The following RECQL5 variants were observed in gnomAD, a reference collection of about 807,000 sequenced individuals.
RECQL5 encodes RecQ like helicase 5, also known as ATP-dependent DNA helicase Q5.
RECQL5 carries 88 observed loss-of-function variants against 103.4 expected under a neutral mutation model. That is an observed-to-expected ratio of 0.85 (90% CI 0.72 to 1.02). RECQL5 has a LOEUF of 1.02. RECQL5 is among the 50% of genes least tolerant of loss of function. RECQL5 has a pLI of 0.00. For synonymous variants in RECQL5, 552 were observed against 507.9 expected (o/e 1.09, Z -1.17); for missense variants, 1,232 against 1,284.3 (o/e 0.96, Z 0.62).
In RECQL5 at chr17:75,631,518, G is replaced by A. The variant is rs767677752; in HGVS notation, c.1380C>T (p.Pro460=). ...CGGGGTCAAAGCCGTTCCCCTGGGA[G>A]GGCCCGATGCAGGTCTTGCTCCAGC... ...SSSWSKTCIG[P]SQGNGFDPEL... is the part of the protein sequence containing the mutation. Residue 460 remains proline (P), a synonymous_variant, in exon 9 of 20, where the codon CCC becomes CCT. Transcript: ENST00000317905. 2.5e-6 allele frequency: 4 copies of A among 1,613,306 alleles called. No individual in the cohort carries two copies. In the South Asian group the frequency reaches 4.4e-5, roughly 18 times the overall value.
At chr17:75,653,322 C>T (rs977122078) in intron 7 of RECQL5, among the ~76,000 whole-genome samples, 3 of 152,182 alleles carry the variant, frequency 2.0e-5, no homozygotes. Context: ...ATGTGGACAC[C>T]TGGTCAGGGC....
At chr17:75,639,841 G>A (rs2059400083) in intron 8 of RECQL5, 1 of 193,716 alleles carries the variant, frequency 5.2e-6, no homozygotes, top group East Asian at 1.4e-4. Context: ...CCAGTCCCAA[G>A]CACCCAGGCA....
At position 75,662,767 on chromosome 17, in the gene RECQL5, A is replaced by G; in HGVS notation, c.483T>C (p.Cys161=). 6.2e-7 allele frequency: 1 copy of G among 1,614,126 alleles called. No individual in the cohort carries two copies. Among genetic ancestry groups the G allele is most frequent in the South Asian group, 1.1e-5 (1 of 91,080 alleles). ...GAAAGTCATGCCCCCATTGGGAAAC[A>G]CAATGAGCTTCATCCACCACCAAGT... The part of the protein sequence containing the change: ...LSYLVVDEAH[C]VSQWGHDFRP... The change falls in exon 4 of 20, where the codon TGT becomes TGC. Residue 161 remains cysteine, a synonymous_variant. Transcript: ENST00000317905.
At position 75,627,382 on chromosome 17, in the gene RECQL5, A is replaced by G. The variant is rs762185616; in HGVS notation, c.*40T>C. On this transcript the variant is annotated 3_prime_UTR_variant, in exon 20 of 20. Transcript: ENST00000317905. ...GAGGCCCAGGATGACCCATGCTAGA[A>G]TCTGGGGGAGGACGCGGGCCCTGCC... The G allele has an allele frequency of 3.4e-6, 5 of 1,488,580 alleles. No individual in the cohort carries two copies. The highest frequency in any genetic ancestry group is 3.7e-6 in the Non-Finnish European group (4 of 1,067,208). The allele number at this position is 1,488,580 out of a possible 1,614,324, so 92.2% of individuals were successfully genotyped here.
chr17:75,629,869 T>C (rs772156816), intron 14 of RECQL5, 27 bp from the exon 15 acceptor site: 2 of 1,555,562 alleles, frequency 1.3e-6, no homozygotes, highest in Middle Eastern at 2.2e-4. Flanking sequence ...AGGGAGGCTG[T>C]GGCACCCGCC....
Position 75,630,841 on chromosome 17 carries a change from TGGGGGGGG to T in RECQL5, c.1586-12_1586-5del. On this transcript the variant is annotated splice_region_variant and splice_polypyrimidine_tract_variant and intron_variant, in intron 11 of 19. Transcript: ENST00000317905. ...TCTTTCAGGGGACAGTTCTCATCTG[TGGGGGGGG>T]GGGGTGGTCCTTGGTCCTTTCGCTC... The T allele has an allele frequency of 8.9e-7, 1 of 1,129,618 alleles. No individual in the cohort carries two copies. Among genetic ancestry groups the T allele is most frequent in the Non-Finnish European group, 1.2e-6 (1 of 851,176 alleles). 70.0% of individuals were successfully genotyped at this position (1,129,618 alleles called of 1,614,324 possible).
chr17:75,642,699 G>C (rs1031130697), intron 8 of RECQL5, among the ~76,000 whole-genome samples: 2 of 152,306 alleles, frequency 1.3e-5, no homozygotes, highest in South Asian at 4.1e-4. Flanking sequence ...CACATACTCA[G>C]CATTGTCTTC....
chr17:75,636,302 G>A lies in RECQL5; in HGVS notation c.1230-4634C>T, dbSNP rs1368043056. On this transcript the variant is annotated intron_variant, in intron 8 of 19. Coordinates refer to ENST00000317905, the MANE Select transcript of RECQL5 (RefSeq NM_004259.7). This position sits in a 1 kb window ranked among gnomAD's most constrained non-coding sequence, Gnocchi z 5.4. ...GTGGGCACTACCAAGCGTGGGGTTG[G>A]GAGGGACTGGTTGCCCTGGTTCGCA... Among the ~76,000 whole-genome samples the A allele has an allele frequency of 2.0e-5, 3 of 152,134 alleles. No homozygotes were observed. The highest frequency in any genetic ancestry group is 4.4e-5 in the Non-Finnish European group (3 of 68,022).
At position 75,640,758 on chromosome 17, in the gene RECQL5, A is replaced by G. The variant is rs887236824; in HGVS notation, c.1230-9090T>C. ...GGGTGGGCATCCTTTCTCTCCCCCA[A>G]CCTGAGTCCCGTGCTCTCTCCCGGC... On this transcript the variant is annotated intron_variant, in intron 8 of 19. Coordinates refer to ENST00000317905, the MANE Select transcript of RECQL5 (RefSeq NM_004259.7). This position sits in a 1 kb window ranked among gnomAD's most constrained non-coding sequence, Gnocchi z 4.6. 1.8e-5 allele frequency: 28 copies of G among 1,542,372 alleles called. No homozygotes were observed. In the Admixed American group the frequency reaches 2.0e-4, roughly 11 times the overall value.
chr17:75,631,721 G>T, intron 8 of RECQL5, 53 bp from the exon 9 acceptor site: 2 of 1,578,706 alleles, frequency 1.3e-6, no homozygotes, highest in Non-Finnish European at 1.7e-6. Context: ...GTCGGCCAGC[G>T]TCTGTTCACC....
intron 8 of RECQL5, chr17:75,647,442 G>A: frequency 6.5e-7 from 1 of 1,550,028 alleles, no homozygotes; most frequent in Non-Finnish European, 8.7e-7. Flanking sequence ...CCTGGGACCA[G>A]GGGGGCCTGG....
rs114393199 is a variant in RECQL5 at position 75,661,625 on chromosome 17, G to A, written c.855C>T (p.Asn285=). The A allele has an allele frequency of 7.8e-5, 126 of 1,613,992 alleles. 1 individual carries two copies. The East Asian group carries it at 2.3e-3, about 29-fold the overall frequency. The part of the protein sequence containing the change: ...LAIELSCRGV[N]AKAYHAGLKA... ...CCTTACCTGCATGGTAAGCCTTGGC[G>A]TTCACACCCCTGCAGCTGAGCTCTA... The change falls in exon 5 of 20, where the codon AAC becomes AAT. Residue 285 remains asparagine (N), a synonymous_variant. Coordinates refer to ENST00000317905, the MANE Select transcript of RECQL5 (RefSeq NM_004259.7).
chr17:75,629,391 TC>T lies in RECQL5; in HGVS notation c.2031del (p.Ile678SerfsTer76). On this transcript the variant is annotated frameshift_variant, in exon 16 of 20. Transcript: ENST00000317905. LOFTEE classifies it high-confidence loss of function. ...TCGGGCTGGGGGGCTTGCTCCCTGA[TC>T]CGAGTTGTCTCCATCAGTTCCGTGG... ...QTATELMETT[R>X]IREQAPQPER... 1.3e-6 allele frequency: 2 copies of T among 1,510,498 alleles called. No homozygotes were observed. Among genetic ancestry groups the T allele is most frequent in the Non-Finnish European group, 8.8e-7 (1 of 1,130,612 alleles). 93.6% of individuals were successfully genotyped at this position (1,510,498 alleles called of 1,614,324 possible). A position where few individuals can be genotyped will look rare whatever the true frequency, so the allele number is the denominator to read the frequency against.
intron 8 of RECQL5, among the ~76,000 whole-genome samples, chr17:75,647,207 C>T (rs2059498949): frequency 6.6e-6 from 1 of 152,176 alleles, no homozygotes; most frequent in Non-Finnish European, 1.5e-5. Flanking sequence ...TGGCTGCAGG[C>T]ATCCAGCACA....
In RECQL5 at chr17:75,655,488, C is replaced by T. The variant is rs938893013; in HGVS notation, c.1149+2810G>A. On this transcript the variant is annotated intron_variant, in intron 7 of 19. Transcript: ENST00000317905. ...ATGCCATTCTCCTGCCTCAGCCTCC[C>T]GAGTAGCTGGGACTACAGGCGCCCG... is the stretch of plus-strand genomic sequence containing the variant. Among the ~76,000 whole-genome samples, 7 of 151,852 alleles carry T rather than the reference C, an allele frequency of 4.6e-5. No homozygotes were observed. In the East Asian group the frequency reaches 7.7e-4, roughly 17 times the overall value.
In RECQL5 at chr17:75,640,644, G is replaced by A. The variant is rs1233279754; in HGVS notation, c.1230-8976C>T. The A allele has an allele frequency of 6.2e-6, 9 of 1,449,530 alleles. No homozygotes were observed. The highest frequency in any genetic ancestry group is 4.5e-5 in the Admixed American group (2 of 44,092). 89.8% of individuals were successfully genotyped at this position (1,449,530 alleles called of 1,614,324 possible). Reference sequence around the variant, plus strand: ...CTGGCGGCTGGCATGGGGACCGTCCGCACCTCTCACCAGCCTCTCGGATCT... The same window carrying A: ...CTGGCGGCTGGCATGGGGACCGTCCACACCTCTCACCAGCCTCTCGGATCT... On this transcript the variant is annotated intron_variant, in intron 8 of 19. Transcript: ENST00000317905. The surrounding 1 kb of genome is among the most constrained non-coding windows in gnomAD (Gnocchi z 4.6).
At chr17:75,649,159 C>T (rs1262082725) in intron 8 of RECQL5, 1 of 152,176 alleles carries the variant, frequency 6.6e-6, no homozygotes, top group Non-Finnish European at 1.5e-5. Flanking sequence ...CCCAAGATCC[C>T]AGGAAACAAC....
Position 75,630,848 on chromosome 17 carries a change from G to A in RECQL5, c.1586-11C>T, listed in dbSNP as rs774491322. On this transcript the variant is annotated splice_polypyrimidine_tract_variant and intron_variant, in intron 11 of 19. Transcript: ENST00000317905. The stretch of plus-strand genomic sequence containing the variant: ...GGGGACAGTTCTCATCTGTGGGGGG[G>A]GGGGGTGGTCCTTGGTCCTTTCGCT... The A allele has an allele frequency of 1.1e-4, 158 of 1,457,002 alleles. 3 individuals carry two copies. In the East Asian group the frequency reaches 2.2e-3, roughly 20 times the overall value. 90.3% of individuals were successfully genotyped at this position (1,457,002 alleles called of 1,614,324 possible).
At chr17:75,659,944 A>C (rs2059677482) in intron 6 of RECQL5, among the ~76,000 whole-genome samples, 1 of 152,224 alleles carries the variant, frequency 6.6e-6, no homozygotes, top group South Asian at 2.1e-4. Flanking sequence ...CTAGACTATT[A>C]GTAAGCAATA....
Sources: allele counts gnomAD v4.1 joint callset (sites outside exome capture counted in the v4.1 genomes callset), GRCh38; gene constraint gnomAD v4.1.1; non-coding constraint Gnocchi (gnomAD v3.1); transcripts MANE v1.5; gene names NCBI Gene and HGNC (gene_info 2026-07-23, HGNC 2026-07-21).